Variants in TRIM4 observed in about 807,000 individuals in gnomAD.
TRIM4 encodes E3 ubiquitin-protein ligase TRIM4.
A neutral mutation model predicts 33.7 loss-of-function variants in TRIM4; 29 were observed. The ratio of observed to expected loss-of-function variants is 0.86; its 90% CI spans 0.64 to 1.17. The LOEUF is 1.17. TRIM4 is among the 50% of genes most tolerant of loss of function. The pLI, the probability that TRIM4 is intolerant of heterozygous loss-of-function variation, is 0.00. For synonymous variants in TRIM4, 224 were observed against 233.0 expected (o/e 0.96, Z 0.35); for missense variants, 554 against 593.7 (o/e 0.93, Z 0.69).
intron 3 of TRIM4, among the ~76,000 whole-genome samples, chr7:99,907,298 C>T (rs1484811764): frequency 1.3e-5 from 2 of 152,062 alleles, no homozygotes; most frequent in African/African-American, 2.4e-5. Context: ...TTAGTAGAGA[C>T]GGGGTTTCAC....
In TRIM4 at chr7:99,891,827, C is replaced by T. The variant is rs139980143; in HGVS notation, c.*336G>A. ...AACAATTTCACAACGGCAACAAAAACTCTGTTTCTTCTACCTTTCCACCAT... is the reference window on the plus strand; with the variant it reads ...AACAATTTCACAACGGCAACAAAAATTCTGTTTCTTCTACCTTTCCACCAT... On this transcript the variant is annotated 3_prime_UTR_variant, in exon 6 of 6. Transcript: ENST00000349062. 7.2e-4 allele frequency: 153 copies of T among 213,362 alleles called. No individual in the cohort carries two copies. Among genetic ancestry groups the T allele is most frequent in the African/African-American group, 3.2e-3 (140 of 43,666 alleles). The allele number at this position is 213,362 out of a possible 1,614,324, so 13.2% of individuals were successfully genotyped here.
chr7:99,909,133 G>GGTGT (rs140032652), intron 2 of TRIM4, among the ~76,000 whole-genome samples: 10,092 of 148,436 alleles, frequency 0.068, 455 homozygotes, highest in African/African-American at 0.13. Flanking sequence ...GGAGTGTGAG[G>GGTGT]GTGTGTGTGT....
intron 5 of TRIM4, among the ~76,000 whole-genome samples, chr7:99,899,452 C>A (rs922945541): frequency 2.0e-5 from 3 of 152,178 alleles, no homozygotes; most frequent in African/African-American, 7.2e-5. Context: ...TACTCCAGAT[C>A]TCCTCTTCGG....
intron 3 of TRIM4, among the ~76,000 whole-genome samples, chr7:99,904,149 CATGAA>C (rs1490924654): frequency 1.3e-5 from 2 of 152,076 alleles, no homozygotes; most frequent in African/African-American, 4.8e-5. Flanking sequence ...TTCCTTAAGC[CATGAA>C]ATGAAACAGT....
At chr7:99,906,262 G>C (rs2151647794) in intron 3 of TRIM4, among the ~76,000 whole-genome samples, 1 of 152,276 alleles carries the variant, frequency 6.6e-6, no homozygotes, top group Non-Finnish European at 1.5e-5. Context: ...TGCTATGTGT[G>C]TTCTATTTTT....
At chr7:99,897,468 G>A (rs1487520184) in intron 5 of TRIM4, among the ~76,000 whole-genome samples, 1 of 152,134 alleles carries the variant, frequency 6.6e-6, no homozygotes, top group Non-Finnish European at 1.5e-5. Flanking sequence ...AATGTTTGAG[G>A]TGATGAATAT....
chr7:99,899,823 C>T (rs759968953), intron 5 of TRIM4, among the ~76,000 whole-genome samples: 1 of 152,126 alleles, frequency 6.6e-6, no homozygotes, highest in South Asian at 2.1e-4. Context: ...GATGGGGTCT[C>T]GCTGTTGCCC....
intron 1 of TRIM4, among the ~76,000 whole-genome samples, chr7:99,912,143 T>C (rs1054397430): frequency 3.9e-5 from 6 of 152,186 alleles, no homozygotes; most frequent in African/African-American, 1.4e-4. Context: ...ATTCTCTGGA[T>C]GGTAATATCC....
At chr7:99,904,002 T>A (rs898107777) in intron 3 of TRIM4, among the ~76,000 whole-genome samples, 1 of 152,240 alleles carries the variant, frequency 6.6e-6, no homozygotes, top group African/African-American at 2.4e-5. Flanking sequence ...GGATATTTTA[T>A]CATGCCCAAG....
chr7:99,903,672 G>C, intron 3 of TRIM4, 74 bp from the exon 4 acceptor site: 1 of 1,568,924 alleles, frequency 6.4e-7, no homozygotes, highest in South Asian at 1.1e-5. Flanking sequence ...GTGTGAGCAG[G>C]TATTTTCTGA....
At chr7:99,903,922 T>A (rs1467837412) in intron 3 of TRIM4, among the ~76,000 whole-genome samples, 1 of 152,202 alleles carries the variant, frequency 6.6e-6, no homozygotes, top group Non-Finnish European at 1.5e-5. Flanking sequence ...CCTCAGCAGC[T>A]CCAGCTTTGA....
chr7:99,906,313 A>T (rs533045952), intron 3 of TRIM4, among the ~76,000 whole-genome samples: 122 of 152,148 alleles, frequency 8.0e-4, no homozygotes, highest in African/African-American at 2.8e-3. Flanking sequence ...ACTTTGTGAT[A>T]ATCTGTCAAG....
chr7:99,898,529 G>T (rs1203962035), intron 5 of TRIM4, among the ~76,000 whole-genome samples: 5 of 152,196 alleles, frequency 3.3e-5, no homozygotes, highest in African/African-American at 1.2e-4. Context: ...GCTGGTAGAT[G>T]CACCTGGGGT....
In TRIM4 at chr7:99,919,469, C is replaced by T; in HGVS notation, c.-68G>A. 1 of 1,426,262 alleles carries T rather than the reference C, an allele frequency of 7.0e-7. No individual in the cohort carries two copies. Among genetic ancestry groups the T allele is most frequent in the East Asian group, 3.0e-5 (1 of 33,810 alleles). 88.4% of individuals were successfully genotyped at this position (1,426,262 alleles called of 1,614,324 possible). A position where few individuals can be genotyped will look rare whatever the true frequency, so the allele number is the denominator to read the frequency against. ...GGAGAGGCCAGCAAGCTGCGAGCGG[C>T]CGCGGGGAGGCCAGACGACTTCCGA... On this transcript the variant is annotated 5_prime_UTR_variant, in exon 1 of 6. Coordinates refer to ENST00000349062, the MANE Select transcript of TRIM4 (RefSeq NM_033091.3).
intron 5 of TRIM4, among the ~76,000 whole-genome samples, chr7:99,895,867 T>C (rs1359862045): frequency 6.6e-6 from 1 of 152,164 alleles, no homozygotes; most frequent in Admixed American, 6.5e-5. Flanking sequence ...TATTAACATA[T>C]CTTTTTCCAT....
chr7:99,908,519 T>C lies in TRIM4; in HGVS notation c.720+63A>G. 4 of 1,324,442 alleles carry C rather than the reference T, an allele frequency of 3.0e-6. No homozygotes were observed. The South Asian group carries it at 5.4e-5, about 18-fold the overall frequency. 82.0% of individuals were successfully genotyped at this position (1,324,442 alleles called of 1,614,324 possible). ...CCACTCACCAGGAAGGACATTCAGCTCTAAAGACAAGAGAGAGTTCAGTTA... is the reference window on the plus strand; with the variant it reads ...CCACTCACCAGGAAGGACATTCAGCCCTAAAGACAAGAGAGAGTTCAGTTA... On this transcript the variant is annotated intron_variant, in intron 3 of 5. Transcript: ENST00000349062.
At chr7:99,903,502 C>T in intron 4 of TRIM4, 74 bp downstream of exon 4, 1 of 1,586,792 alleles carries the variant, frequency 6.3e-7, no homozygotes, top group Non-Finnish European at 8.7e-7. Context: ...GGATCCTAGG[C>T]CTTGTTTCCC....
At chr7:99,896,513 C>T (rs1383377213) in intron 5 of TRIM4, among the ~76,000 whole-genome samples, 1 of 152,208 alleles carries the variant, frequency 6.6e-6, no homozygotes, top group East Asian at 1.9e-4. Flanking sequence ...GCCCACTGCT[C>T]CTGGACCACC....
Position 99,891,995 on chromosome 7 carries a change from G to A in TRIM4, c.*168C>T. On this transcript the variant is annotated 3_prime_UTR_variant, in exon 6 of 6. Transcript: ENST00000349062. Reference sequence around the variant, plus strand: ...CATTGGCCAGACCCACCTCCCATGGGACTGCCTCTTGTGAAGCACACAAAG... The same window carrying A: ...CATTGGCCAGACCCACCTCCCATGGAACTGCCTCTTGTGAAGCACACAAAG... 1 of 628,072 alleles carries A rather than the reference G, an allele frequency of 1.6e-6. No homozygotes were observed. Among genetic ancestry groups the A allele is most frequent in the East Asian group, 2.8e-5 (1 of 35,346 alleles). The allele number at this position is 628,072 out of a possible 1,614,324, so 38.9% of individuals were successfully genotyped here.
Sources: gnomAD v4.1 joint callset for allele counts (sites outside exome capture counted in the v4.1 genomes callset) on GRCh38, gnomAD v4.1.1 for gene constraint, MANE v1.5 for transcripts, NCBI Gene and HGNC (gene_info 2026-07-23, HGNC 2026-07-21) for gene names.